Variants in A1CF observed in about 807,000 individuals in gnomAD.
A1CF encodes the protein APOBEC-1 stimulating protein.
Under a neutral mutation model 68.9 loss-of-function variants are expected in A1CF, and 48 were observed. That is an observed-to-expected ratio of 0.70 (90% CI 0.55 to 0.89). A1CF has a LOEUF of 0.89. A1CF is among the 40% of genes least tolerant of loss of function. A1CF has a pLI of 0.00. For synonymous variants in A1CF, 272 were observed against 260.4 expected, an observed-to-expected ratio of 1.04 and a Z score of -0.43; for missense variants, 653 against 718.9, an observed-to-expected ratio of 0.91 and a Z score of 1.05.
At chr10:50,809,058 AAAC>A (rs1211856163) in intron 12 of A1CF, among the ~76,000 whole-genome samples, 1 of 152,126 alleles carries the variant, frequency 6.6e-6, no homozygotes, top group Non-Finnish European at 1.5e-5. Context: ...AAAATTTCCT[AAAC>A]AACTTTCTTG....
intron 5 of A1CF, among the ~76,000 whole-genome samples, chr10:50,840,337 G>A (rs980573277): frequency 6.6e-6 from 1 of 151,146 alleles, no homozygotes; most frequent in African/African-American, 2.4e-5. Context: ...GTTAAGCACT[G>A]TAAAGTTGTT....
At chr10:50,836,869 T>C (rs1389752385) in intron 5 of A1CF, among the ~76,000 whole-genome samples, 1 of 151,996 alleles carries the variant, frequency 6.6e-6, no homozygotes, top group Admixed American at 6.6e-5. Context: ...GGACATGAAC[T>C]CATCCTTTTT....
chr10:50,839,195 G>T (rs1198387025), intron 5 of A1CF, among the ~76,000 whole-genome samples: 1 of 152,098 alleles, frequency 6.6e-6, no homozygotes, highest in Admixed American at 6.5e-5. Flanking sequence ...TATCCTATCT[G>T]CTGTCCAAAA....
chr10:50,850,765 G>C (rs1298158442), intron 3 of A1CF: 3 of 1,614,134 alleles, frequency 1.9e-6, no homozygotes, highest in Non-Finnish European at 2.5e-6. Flanking sequence ...CTCTGGGCAT[G>C]TGCCCAGACA....
chr10:50,848,858 A>T (rs1202526043), intron 3 of A1CF, among the ~76,000 whole-genome samples: 1 of 152,172 alleles, frequency 6.6e-6, no homozygotes, highest in East Asian at 1.9e-4. Flanking sequence ...CCAGCTTGCC[A>T]GTCACCAGGA....
At position 50,811,056 on chromosome 10, in the gene A1CF, T is replaced by C. The variant is rs1421356961; in HGVS notation, c.1444A>G (p.Ser482Gly). 1.2e-6 allele frequency: 2 copies of C among 1,612,918 alleles called. No homozygotes were observed. The highest frequency in any genetic ancestry group is 4.5e-5 in the East Asian group (2 of 44,808). The change falls in exon 11 of 13, where the codon AGC becomes GGC. Residue 482 changes from serine (S) to glycine (G), a missense_variant. Ser to Gly is a moderately conservative substitution (Grantham distance 56). Coordinates refer to ENST00000373997, the MANE Select transcript of A1CF (RefSeq NM_014576.4). ...GTTACGCACATTGCAGGATTCTGGC[T>C]GGCTAGAGCAGGAATAGTTATTTTG... ...LYKITIPALA[S>G]QNPAIHPFTP...
Position 50,859,905 on chromosome 10 carries a change from G to A in A1CF, c.36C>T (p.Ser12=), listed in dbSNP as rs758459351. The change falls in exon 3 of 13, where the codon AGC becomes AGT. Residue 12 remains serine, a synonymous_variant. Coordinates refer to ENST00000373997, the MANE Select transcript of A1CF (RefSeq NM_014576.4). ...GGAGGGCTGCTTCCTTCTGAGTGCC[G>A]CTCAATCCATCCCCGGATTTGTGAT... ...ESNHKSGDGL[S]GTQKEAALRA... 2.7e-5 allele frequency: 44 copies of A among 1,613,780 alleles called. No homozygotes were observed. The highest frequency in any genetic ancestry group is 2.4e-4 in the South Asian group (22 of 91,084).
In A1CF at chr10:50,800,389, T is replaced by C. The variant is rs1837551739; in HGVS notation, c.*6340A>G. On this transcript the variant is annotated 3_prime_UTR_variant, in exon 13 of 13. Coordinates refer to ENST00000373997, the MANE Select transcript of A1CF (RefSeq NM_014576.4). ...TTCACCTTTTAAAAGGCTTATTGTA[T>C]CAGTCCAGAGTTTGGCAATAATAGT... is the stretch of plus-strand genomic sequence containing the variant. 1 of 152,172 alleles carries C rather than the reference T, an allele frequency of 6.6e-6. No individual in the cohort carries two copies. The highest frequency in any genetic ancestry group is 1.9e-4 in the East Asian group (1 of 5,202). The allele number at this position is 152,172 out of a possible 1,614,324, so 9.4% of individuals were successfully genotyped here.
In A1CF at chr10:50,841,763, C is replaced by CT. The variant is rs540298806; in HGVS notation, c.365+98dup. ...CTAATCTATTTCATTTCTGGCTTGG[C>CT]TTTTTTTTTGGCATACACCATATTA... On this transcript the variant is annotated intron_variant, in intron 5 of 12. Coordinates refer to ENST00000373997, the MANE Select transcript of A1CF (RefSeq NM_014576.4). 1,414 of 1,400,182 alleles carry CT rather than the reference C, an allele frequency of 1.0e-3. 2 individuals carry two copies. The highest frequency in any genetic ancestry group is 4.2e-3 in the African/African-American group (288 of 68,292). The allele number at this position is 1,400,182 out of a possible 1,614,324, so 86.7% of individuals were successfully genotyped here. A position where few individuals can be genotyped will look rare whatever the true frequency, so the allele number is the denominator to read the frequency against.
chr10:50,806,495 G>A lies in A1CF; in HGVS notation c.*234C>T. On this transcript the variant is annotated 3_prime_UTR_variant, in exon 13 of 13. Coordinates refer to ENST00000373997, the MANE Select transcript of A1CF (RefSeq NM_014576.4). The stretch of plus-strand genomic sequence containing the variant: ...GAAGACTGGAAGAACAACTTTTGGG[G>A]CAGTGGCTCTCCAGCTTTCTGTTAA... 1 of 285,382 alleles carries A rather than the reference G, an allele frequency of 3.5e-6. No homozygotes were observed. The highest frequency in any genetic ancestry group is 6.3e-6 in the Non-Finnish European group (1 of 158,206). 17.7% of individuals were successfully genotyped at this position (285,382 alleles called of 1,614,324 possible).
intron 4 of A1CF, among the ~76,000 whole-genome samples, chr10:50,842,253 T>A (rs1027385205): frequency 1.3e-5 from 2 of 152,256 alleles, no homozygotes; most frequent in South Asian, 2.1e-4. Context: ...GTTAACAGAA[T>A]GTGTTTTTGG....
In A1CF at chr10:50,809,056, C is replaced by T. The variant is rs181390047; in HGVS notation, c.1609+838G>A. ...AAATTTTCAGCTGAGAAAAAATTTC[C>T]TAAACAACTTTCTTGCCTGGTCCCC... On this transcript the variant is annotated intron_variant, in intron 12 of 12. Coordinates refer to ENST00000373997, the MANE Select transcript of A1CF (RefSeq NM_014576.4). Among the ~76,000 whole-genome samples the T allele has an allele frequency of 6.6e-5, 10 of 151,254 alleles. No individual in the cohort carries two copies. In the East Asian group the frequency reaches 1.9e-3, roughly 29 times the overall value.
chr10:50,800,370 T>C lies in A1CF; in HGVS notation c.*6359A>G, dbSNP rs1170328177. 1 of 152,188 alleles carries C rather than the reference T, an allele frequency of 6.6e-6. No individual in the cohort carries two copies. The highest frequency in any genetic ancestry group is 1.5e-5 in the Non-Finnish European group (1 of 68,008). 9.4% of individuals were successfully genotyped at this position (152,188 alleles called of 1,614,324 possible). A position where few individuals can be genotyped will look rare whatever the true frequency, so the allele number is the denominator to read the frequency against. On this transcript the variant is annotated 3_prime_UTR_variant, in exon 13 of 13. Transcript: ENST00000373997. ...TAATAGGTGAAGTGTTAAATTCACCTTTTAAAAGGCTTATTGTATCAGTCC... is the reference window on the plus strand; with the variant it reads ...TAATAGGTGAAGTGTTAAATTCACCCTTTAAAAGGCTTATTGTATCAGTCC...
In A1CF at chr10:50,801,082, A is replaced by G. The variant is rs1837582693; in HGVS notation, c.*5647T>C. ...TATCTTTTGTCTTGCCCCACCACCT[A>G]ACCTGGCATAATAATGACTAGCTTG... is the stretch of plus-strand genomic sequence containing the variant. On this transcript the variant is annotated 3_prime_UTR_variant, in exon 13 of 13. Coordinates refer to ENST00000373997, the MANE Select transcript of A1CF (RefSeq NM_014576.4). 1 of 152,338 alleles carries G rather than the reference A, an allele frequency of 6.6e-6. No individual in the cohort carries two copies. Among genetic ancestry groups the G allele is most frequent in the South Asian group, 2.1e-4 (1 of 4,824 alleles). The allele number at this position is 152,338 out of a possible 1,614,324, so 9.4% of individuals were successfully genotyped here.
Position 50,841,937 on chromosome 10 carries a change from C to T in A1CF, c.290G>A (p.Gly97Glu). Residue 97 changes from glycine (G) to glutamate (E), a missense_variant, in exon 5 of 13, where the codon GGA becomes GAA. Coordinates refer to ENST00000373997, the MANE Select transcript of A1CF (RefSeq NM_014576.4). ...MMMDFNGNNR[G>E]YAFVTFSNKV... ...ATTTGAAAATGTTACAAATGCATATCCTCTATTGTTGCCATTAAAATCCAT... is the reference window on the plus strand; with the variant it reads ...ATTTGAAAATGTTACAAATGCATATTCTCTATTGTTGCCATTAAAATCCAT... 6.2e-7 allele frequency: 1 copy of T among 1,612,258 alleles called. No individual in the cohort carries two copies. The highest frequency in any genetic ancestry group is 8.5e-7 in the Non-Finnish European group (1 of 1,178,856).
chr10:50,837,021 C>T (rs534178856), intron 5 of A1CF, among the ~76,000 whole-genome samples: 192 of 152,202 alleles, frequency 1.3e-3, no homozygotes, highest in African/African-American at 4.5e-3. Context: ...GCCCTGCAGT[C>T]GCTTGAGTTT....
chr10:50,826,518 A>G (rs897694822), intron 7 of A1CF, among the ~76,000 whole-genome samples: 2 of 152,196 alleles, frequency 1.3e-5, no homozygotes, highest in African/African-American at 4.8e-5. Context: ...AGAATTTCAT[A>G]TCCAGCCAAA....
At chr10:50,876,176 A>G (rs1466416888) in intron 1 of A1CF, among the ~76,000 whole-genome samples, 1 of 152,228 alleles carries the variant, frequency 6.6e-6, no homozygotes, top group Non-Finnish European at 1.5e-5. Flanking sequence ...GTGTATGTAT[A>G]GATGTATAAG....
chr10:50,841,997 A>C lies in A1CF; in HGVS notation c.235-5T>G, dbSNP rs1398075349. 1 of 1,603,764 alleles carries C rather than the reference A, an allele frequency of 6.2e-7. No individual in the cohort carries two copies. The highest frequency in any genetic ancestry group is 1.1e-5 in the South Asian group (1 of 90,232). On this transcript the variant is annotated splice_polypyrimidine_tract_variant and splice_region_variant and intron_variant, in intron 4 of 12. Transcript: ENST00000373997. ...CATTTCATAAATTTTACCGATCTGC[A>C]AGTAATAGAAATAGAACATTTATAT...
Sources: gnomAD v4.1 joint callset for allele counts (sites outside exome capture counted in the v4.1 genomes callset) on GRCh38, gnomAD v4.1.1 for gene constraint, MANE v1.5 for transcripts, NCBI Gene and HGNC (gene_info 2026-07-23, HGNC 2026-07-21) for gene names.